Variants in ANGPT1 observed in about 807,000 individuals in gnomAD.
ANGPT1 encodes angiopoietin 1, also known as angiopoietin-1.
A neutral mutation model predicts 62.2 loss-of-function variants in ANGPT1; 17 were observed. That is an observed-to-expected ratio of 0.27 (90% CI 0.19 to 0.41). The LOEUF (loss-of-function observed/expected upper bound fraction) is 0.41, where lower values mean the gene tolerates loss of function less well. ANGPT1 is among the 10% of genes least tolerant of loss of function. The pLI is 1.00. For synonymous variants in ANGPT1, 199 were observed against 198.9 expected (o/e 1.00, Z 0.00); for missense variants, 478 against 594.9 (o/e 0.80, Z 2.04).
At position 107,497,488 on chromosome 8, in the gene ANGPT1, C is replaced by T. The variant is rs765372746; in HGVS notation, c.71G>A (p.Arg24Gln). The T allele has an allele frequency of 1.9e-6, 3 of 1,614,114 alleles. No individual in the cohort carries two copies. The East Asian group carries it at 6.7e-5, about 36-fold the overall frequency. Reference sequence around the variant, plus strand: ...TCTTCTCCCACTGTTTTCTGGACTTCGGCGCTGATTGCTGCACCCTATGTG... The same window carrying T: ...TCTTCTCCCACTGTTTTCTGGACTTTGGCGCTGATTGCTGCACCCTATGTG... The part of the protein sequence containing the change: ...LTHIGCSNQR[R>Q]SPENSGRRYN... Residue 24 changes from arginine to glutamine, a missense_variant, in exon 1 of 9, where the codon CGA becomes CAA. This residue lies in a region of ANGPT1 where 343 missense variants were observed against 355.4 expected (regional missense o/e 0.97). Coordinates refer to ENST00000517746, the MANE Select transcript of ANGPT1 (RefSeq NM_001146.5).
At chr8:107,435,241 T>C (rs999380749) in intron 1 of ANGPT1, among the ~76,000 whole-genome samples, 1 of 152,136 alleles carries the variant, frequency 6.6e-6, no homozygotes, top group Non-Finnish European at 1.5e-5. Flanking sequence ...AATGAGTGAA[T>C]TTTATGGTAG....
chr8:107,478,242 T>C (rs377536648), intron 1 of ANGPT1, among the ~76,000 whole-genome samples: 131 of 142,282 alleles, frequency 9.2e-4, no homozygotes, highest in African/African-American at 3.5e-3. Flanking sequence ...AGTCTAAATA[T>C]ACCTATTCAA....
At chr8:107,319,309 T>G (rs770468573) in intron 4 of ANGPT1, among the ~76,000 whole-genome samples, 2 of 152,106 alleles carry the variant, frequency 1.3e-5, no homozygotes, top group Non-Finnish European at 1.5e-5. Context: ...CCTTGCAGTA[T>G]TATATTCAGG....
At chr8:107,289,178 T>C (rs987796067) in intron 6 of ANGPT1, among the ~76,000 whole-genome samples, 2 of 152,114 alleles carry the variant, frequency 1.3e-5, no homozygotes, top group African/African-American at 4.8e-5. Flanking sequence ...AATAAAAGGA[T>C]AAAAAGACAC....
chr8:107,350,705 A>AT (rs1353089784), intron 1 of ANGPT1, among the ~76,000 whole-genome samples: 2 of 152,064 alleles, frequency 1.3e-5, no homozygotes, highest in African/African-American at 4.8e-5. Flanking sequence ...CTAGTTAATT[A>AT]TTTTTTAATC....
At chr8:107,419,445 T>C (rs1050030698) in intron 1 of ANGPT1, among the ~76,000 whole-genome samples, 2 of 152,192 alleles carry the variant, frequency 1.3e-5, no homozygotes, top group Admixed American at 6.5e-5. Flanking sequence ...CCCCAGTTTG[T>C]TACCATTAGA....
intron 1 of ANGPT1, among the ~76,000 whole-genome samples, chr8:107,366,572 G>T (rs1217076256): frequency 6.6e-6 from 1 of 152,078 alleles, no homozygotes; most frequent in African/African-American, 2.4e-5. Context: ...TATCCAGAAA[G>T]CTTGTTGTCA....
chr8:107,357,496 G>T (rs1816071158), intron 1 of ANGPT1, among the ~76,000 whole-genome samples: 1 of 152,110 alleles, frequency 6.6e-6, no homozygotes, highest in African/African-American at 2.4e-5. Flanking sequence ...AGAAAGATTT[G>T]ACATTTGAAC....
At chr8:107,326,426 A>G (rs975900867) in intron 3 of ANGPT1, among the ~76,000 whole-genome samples, 5 of 152,082 alleles carry the variant, frequency 3.3e-5, no homozygotes, top group African/African-American at 7.2e-5. Flanking sequence ...TTTCATATTA[A>G]TGACAACTTT....
chr8:107,417,758 G>C (rs1810791011), intron 1 of ANGPT1, among the ~76,000 whole-genome samples: 2 of 152,182 alleles, frequency 1.3e-5, no homozygotes, highest in Non-Finnish European at 2.9e-5. Flanking sequence ...CAAGAAGTTA[G>C]GAGATGGGAC....
intron 1 of ANGPT1, among the ~76,000 whole-genome samples, chr8:107,362,108 G>C (rs1307363541): frequency 6.6e-6 from 1 of 152,138 alleles, no homozygotes; most frequent in Middle Eastern, 3.2e-3. Context: ...CACATATGTA[G>C]ATGTGCATAT....
intron 1 of ANGPT1, among the ~76,000 whole-genome samples, chr8:107,428,681 A>G (rs971714207): frequency 7.9e-5 from 12 of 152,014 alleles, no homozygotes; most frequent in African/African-American, 2.7e-4. Flanking sequence ...ATAACTAAAC[A>G]AGAACAATCA....
At chr8:107,481,626 C>T (rs1410634434) in intron 1 of ANGPT1, among the ~76,000 whole-genome samples, 4 of 151,262 alleles carry the variant, frequency 2.6e-5, no homozygotes, top group African/African-American at 4.9e-5. Flanking sequence ...AAGAAATACC[C>T]GAAACTGGGT....
At chr8:107,297,546 T>C (rs185313711) in intron 5 of ANGPT1, among the ~76,000 whole-genome samples, 419 of 147,882 alleles carry the variant, frequency 2.8e-3, no homozygotes, top group African/African-American at 9.9e-3. Context: ...TTAATATGTA[T>C]ATAATATTTA....
At chr8:107,480,780 A>T (rs1812655273) in intron 1 of ANGPT1, among the ~76,000 whole-genome samples, 1 of 152,210 alleles carries the variant, frequency 6.6e-6, no homozygotes. Flanking sequence ...TTTTAATTTA[A>T]ACAAGTGGGA....
At chr8:107,343,188 A>G (rs1441565704) in intron 2 of ANGPT1, among the ~76,000 whole-genome samples, 4 of 152,064 alleles carry the variant, frequency 2.6e-5, no homozygotes. Context: ...AGATGTAATC[A>G]TTTGTGATGT....
chr8:107,264,886 A>C (rs1339272829), intron 7 of ANGPT1, among the ~76,000 whole-genome samples: 1 of 152,202 alleles, frequency 6.6e-6, no homozygotes, highest in African/African-American at 2.4e-5. Flanking sequence ...GAAGCTATGT[A>C]AGCTGGAATT....
At chr8:107,481,532 C>CAAAAAAAAAAAAAA (rs71562147) in intron 1 of ANGPT1, among the ~76,000 whole-genome samples, 127 of 64,298 alleles carry the variant, frequency 2.0e-3, no homozygotes, top group East Asian at 4.6e-3. Context: ...GACTCTGTCT[C>CAAAAAAAAAAAAAA]AAAAAAAAAA....
At chr8:107,399,203 C>A (rs983432762) in intron 1 of ANGPT1, among the ~76,000 whole-genome samples, 2 of 152,124 alleles carry the variant, frequency 1.3e-5, no homozygotes, top group Non-Finnish European at 2.9e-5. Flanking sequence ...ATTCCAGAAG[C>A]TTCTCTTCAT....
Sources: allele counts gnomAD v4.1 joint callset (sites outside exome capture counted in the v4.1 genomes callset), GRCh38; gene constraint gnomAD v4.1.1; regional missense constraint gnomAD v4.1.1; transcripts MANE v1.5; gene names NCBI Gene and HGNC (gene_info 2026-07-23, HGNC 2026-07-21).